Variants in ZCWPW1 observed in about 807,000 individuals in gnomAD.
ZCWPW1 encodes the protein zinc finger CW-type and PWWP domain containing 1, also known as zinc finger CW-type PWWP domain protein 1.
In ZCWPW1, 56 loss-of-function variants were observed where a neutral mutation model predicts 81.3. The observed-to-expected ratio is 0.69, with a 90% confidence interval of 0.56 to 0.86. The LOEUF is 0.86. Ranked by LOEUF, ZCWPW1 falls within the 40% of genes least tolerant of loss-of-function variation. The pLI, the probability that ZCWPW1 is intolerant of heterozygous loss-of-function variation, is 0.00. For synonymous variants in ZCWPW1, 250 were observed against 273.7 expected, an observed-to-expected ratio of 0.91 and a Z score of 0.86; for missense variants, 650 against 769.8, an observed-to-expected ratio of 0.84 and a Z score of 1.84.
Position 100,409,526 on chromosome 7 carries a change from A to G in ZCWPW1, c.773T>C (p.Val258Ala). 1.2e-6 allele frequency: 2 copies of G among 1,613,966 alleles called. No individual in the cohort carries two copies. Among genetic ancestry groups the G allele is most frequent in the Non-Finnish European group, 1.7e-6 (2 of 1,179,864 alleles). ...ISGFGQCLVWVQCSFPNCGKW... is the reference protein window; with the variant it reads ...ISGFGQCLVWAQCSFPNCGKW... Reference sequence around the variant, plus strand: ...CCCACAGTTTGGGAAGGAACACTGGACCCAGACCAGACATTGACCTGTGAG... The same window carrying G: ...CCCACAGTTTGGGAAGGAACACTGGGCCCAGACCAGACATTGACCTGTGAG... Residue 258 changes from valine (V) to alanine (A), a missense_variant, in exon 9 of 18, where the codon GTC becomes GCC. Physicochemically the swap from Val to Ala is moderately conservative, Grantham distance 64. Transcript: ENST00000684423.
At chr7:100,402,212 C>CT (rs916229074) in intron 16 of ZCWPW1, among the ~76,000 whole-genome samples, 171 bp from the exon 17 acceptor site, 2 of 152,266 alleles carry the variant, frequency 1.3e-5, no homozygotes, top group African/African-American at 4.8e-5. Context: ...CCCCAATTCT[C>CT]TTTTTTTCTT....
chr7:100,426,677 T>A (rs1398764271), intron 1 of ZCWPW1, among the ~76,000 whole-genome samples: 1 of 124,292 alleles, frequency 8.0e-6, no homozygotes, highest in Non-Finnish European at 1.7e-5. Context: ...CCTTCCTCCC[T>A]CTTCCCTCCC....
At chr7:100,424,584 C>T (rs924550491) in intron 2 of ZCWPW1, among the ~76,000 whole-genome samples, 1 of 152,062 alleles carries the variant, frequency 6.6e-6, no homozygotes, top group Non-Finnish European at 1.5e-5. Context: ...GCCTCAGCCT[C>T]CCGAGTAGCT....
intron 3 of ZCWPW1, among the ~76,000 whole-genome samples, 171 bp from the exon 4 acceptor site, chr7:100,420,054 A>T (rs1048588786): frequency 2.6e-5 from 4 of 152,170 alleles, no homozygotes; most frequent in African/African-American, 9.7e-5. Flanking sequence ...GATGCTGATG[A>T]GGTAGTTAGA....
Position 100,419,624 on chromosome 7 carries a change from T to C in ZCWPW1, c.282+6A>G. ...TCCTACCAGAGCCCACCACTATGAC[T>C]GGTACCTTTTCTTTCTTCTCTGCTT... On this transcript the variant is annotated splice_donor_region_variant and intron_variant, in intron 4 of 17. Transcript: ENST00000684423. The C allele has an allele frequency of 6.2e-7, 1 of 1,608,126 alleles. No individual in the cohort carries two copies. Among genetic ancestry groups the C allele is most frequent in the Non-Finnish European group, 8.5e-7 (1 of 1,177,996 alleles).
rs1027951417 is a variant in ZCWPW1 at position 100,420,666 on chromosome 7, G to C, written c.-17C>G. 3.1e-6 allele frequency: 5 copies of C among 1,613,662 alleles called. 1 individual carries two copies. In the Admixed American group the frequency reaches 5.0e-5, roughly 16 times the overall value. On this transcript the variant is annotated 5_prime_UTR_variant, in exon 3 of 18. Coordinates refer to ENST00000684423, the MANE Select transcript of ZCWPW1 (RefSeq NM_001386010.1). The stretch of plus-strand genomic sequence containing the variant: ...TGTCATCATTCAGCTTAGAAACTAC[G>C]CTTTGTGTGCCTCTGTTAGAAAAAA...
intron 2 of ZCWPW1, among the ~76,000 whole-genome samples, chr7:100,422,218 G>C (rs1005929689): frequency 8.5e-5 from 13 of 152,152 alleles, no homozygotes; most frequent in African/African-American, 3.1e-4. Flanking sequence ...GAACCTGTCT[G>C]ATTTCAAAGT....
rs189953912 is a variant in ZCWPW1 at position 100,424,651 on chromosome 7, G to A, written c.-30+379C>T. On this transcript the variant is annotated intron_variant, in intron 2 of 17. Coordinates refer to ENST00000684423, the MANE Select transcript of ZCWPW1 (RefSeq NM_001386010.1). ...TAATTTTCGTATTTTTAGTAGAGAC[G>A]GGGTTTCACCATGTTGGCCAGGATA... 3.6e-3 allele frequency among the ~76,000 whole-genome samples: 540 copies of A among 151,980 alleles called. 4 individuals carry two copies. The highest frequency in any genetic ancestry group is 0.012 in the African/African-American group (511 of 41,430).
At chr7:100,427,254 C>T (rs1383589813) in intron 1 of ZCWPW1, among the ~76,000 whole-genome samples, 1 of 105,678 alleles carries the variant, frequency 9.5e-6, no homozygotes, top group Non-Finnish European at 1.9e-5. Flanking sequence ...CCTCCCCCTT[C>T]CCTCCCTTGC....
At chr7:100,407,801 A>T (rs1793362781) in intron 10 of ZCWPW1, among the ~76,000 whole-genome samples, 1 of 152,158 alleles carries the variant, frequency 6.6e-6, no homozygotes, top group Non-Finnish European at 1.5e-5. Context: ...CCATCGATGC[A>T]CACAGGAGCT....
intron 9 of ZCWPW1, 66 bp downstream of exon 9, chr7:100,409,362 A>G (rs1295308758): frequency 5.6e-6 from 7 of 1,254,142 alleles, no homozygotes; most frequent in Non-Finnish European, 8.1e-6. Context: ...AATCTAAAGG[A>G]TAAGTGCAGA....
rs781503106 is a variant in ZCWPW1 at position 100,417,182 on chromosome 7, C to T, written c.363G>A (p.Gly121=). The T allele has an allele frequency of 6.2e-7, 1 of 1,613,312 alleles. No individual in the cohort carries two copies. The highest frequency in any genetic ancestry group is 8.5e-7 in the Non-Finnish European group (1 of 1,179,620). The stretch of plus-strand genomic sequence containing the variant: ...CTGCAAAATCAAGGCCAGATCCCAT[C>T]CCTCCCAAAACAAAATACTATAAGC... ...VLQKSLQECL[G]MGSGLDFAET... Residue 121 remains glycine (G), a splice_region_variant and synonymous_variant, in exon 6 of 18, where the codon GGG becomes GGA. Coordinates refer to ENST00000684423, the MANE Select transcript of ZCWPW1 (RefSeq NM_001386010.1).
chr7:100,418,914 T>C, intron 5 of ZCWPW1, 197 bp downstream of exon 5: 1 of 388,086 alleles, frequency 2.6e-6, no homozygotes, highest in Non-Finnish European at 4.6e-6. Flanking sequence ...TAAAAATATG[T>C]ACCCTTTATC....
rs755209244 is a variant in ZCWPW1, at chr7:100,419,212, G to C, written c.283-23C>G. 1.1e-5 allele frequency: 17 copies of C among 1,598,838 alleles called. No individual in the cohort carries two copies. The Admixed American group carries it at 2.9e-4, about 27-fold the overall frequency. On this transcript the variant is annotated intron_variant, in intron 4 of 17. Coordinates refer to ENST00000684423, the MANE Select transcript of ZCWPW1 (RefSeq NM_001386010.1). ...TTCCTGCAGAGACAAGGGTAGGGGA[G>C]GAAAACCACTTATCTTTCCATAGTT...
At chr7:100,423,856 G>A (rs2130864904) in intron 2 of ZCWPW1, among the ~76,000 whole-genome samples, 1 of 152,216 alleles carries the variant, frequency 6.6e-6, no homozygotes, top group Admixed American at 6.5e-5. Flanking sequence ...ATCACCTGAG[G>A]TCAGGAGTTC....
At chr7:100,404,299 T>C in intron 13 of ZCWPW1, 55 bp from the exon 14 acceptor site, 2 of 1,520,584 alleles carry the variant, frequency 1.3e-6, no homozygotes, top group Non-Finnish European at 1.8e-6. Context: ...GCGCAGCTTT[T>C]GCCTTCTGTC....
chr7:100,416,686 G>A (rs1372140878), intron 6 of ZCWPW1, among the ~76,000 whole-genome samples: 3 of 152,094 alleles, frequency 2.0e-5, no homozygotes, highest in Non-Finnish European at 4.4e-5. Context: ...GGTGGCTCAC[G>A]CCTGTAATCC....
intron 9 of ZCWPW1, among the ~76,000 whole-genome samples, 187 bp downstream of exon 9, chr7:100,409,241 A>G (rs1345723566): frequency 6.6e-6 from 1 of 152,180 alleles, no homozygotes; most frequent in East Asian, 1.9e-4. Flanking sequence ...TTTACAGGGC[A>G]TCTTCCTCCA....
intron 15 of ZCWPW1, among the ~76,000 whole-genome samples, chr7:100,403,361 G>A (rs1792315644): frequency 6.6e-6 from 1 of 151,902 alleles, no homozygotes; most frequent in Non-Finnish European, 1.5e-5. Context: ...GACTATAGGT[G>A]CCCACCACCA....
Sources: allele counts gnomAD v4.1 joint callset (sites outside exome capture counted in the v4.1 genomes callset), GRCh38; gene constraint gnomAD v4.1.1; transcripts MANE v1.5; gene names NCBI Gene and HGNC (gene_info 2026-07-23, HGNC 2026-07-21).